The following CEP128 variants were observed in gnomAD, a reference collection of about 807,000 sequenced individuals.
CEP128 encodes the protein centrosomal protein 128.
Under a neutral mutation model 156.7 loss-of-function variants are expected in CEP128, and 132 were observed. That is an observed-to-expected ratio of 0.84 (90% confidence interval 0.73 to 0.97). The LOEUF is 0.97. Among genes scored for constraint, CEP128 ranks in the 50% least tolerant of loss-of-function variants. The pLI, the probability that CEP128 is intolerant of heterozygous loss-of-function variation, is 0.00. For synonymous variants in CEP128, 469 were observed against 448.9 expected (o/e 1.04, Z -0.57); for missense variants, 1,252 against 1,281.9 (o/e 0.98, Z 0.36).
chr14:80,916,889 C>A (rs1172309628), intron 2 of CEP128, among the ~76,000 whole-genome samples: 1 of 152,138 alleles, frequency 6.6e-6, no homozygotes, highest in Non-Finnish European at 1.5e-5. Context: ...CTTAATCCTA[C>A]CAACAACACC....
chr14:80,697,557 T>C (rs968298433), intron 19 of CEP128, among the ~76,000 whole-genome samples: 3 of 152,220 alleles, frequency 2.0e-5, no homozygotes, highest in Non-Finnish European at 2.9e-5. Context: ...TAAGAAGGCA[T>C]AGCAATTTCT....
At chr14:80,854,088 T>C (rs188615791) in intron 9 of CEP128, among the ~76,000 whole-genome samples, 1 of 152,276 alleles carries the variant, frequency 6.6e-6, no homozygotes, top group Admixed American at 6.5e-5. Context: ...CCAAGAGGTG[T>C]GTGAATAGAT....
intron 8 of CEP128, among the ~76,000 whole-genome samples, chr14:80,885,970 C>T (rs1888777411): frequency 6.6e-6 from 1 of 151,976 alleles, no homozygotes; most frequent in South Asian, 2.1e-4. Flanking sequence ...AGCATGAGAA[C>T]TTCGCGAAGC....
intron 23 of CEP128, among the ~76,000 whole-genome samples, chr14:80,512,339 T>A (rs1330563228): frequency 6.6e-6 from 1 of 152,026 alleles, no homozygotes; most frequent in Non-Finnish European, 1.5e-5. Context: ...TTGTCTATGA[T>A]AACCTTGTCT....
intron 16 of CEP128, among the ~76,000 whole-genome samples, chr14:80,766,916 G>A (rs1256944655): frequency 1.3e-5 from 2 of 152,102 alleles, no homozygotes; most frequent in East Asian, 3.8e-4. Context: ...TGGAAATACA[G>A]CTTGTTGAAC....
downstream of CEP128, among the ~76,000 whole-genome samples, chr14:80,488,696 G>A (rs1036912425): frequency 1.3e-5 from 2 of 152,134 alleles, no homozygotes; most frequent in Non-Finnish European, 2.9e-5. Context: ...TATGTTTATT[G>A]CGGCACTATT....
chr14:80,505,054 A>G, intron 23 of CEP128, 34 bp from the exon 24 acceptor site: 1 of 1,150,504 alleles, frequency 8.7e-7, no homozygotes, highest in Non-Finnish European at 1.3e-6. Flanking sequence ...TTCAATGATT[A>G]CACAAGGTAT....
At chr14:80,576,659 G>A (rs1385003623) in intron 20 of CEP128, among the ~76,000 whole-genome samples, 1 of 151,648 alleles carries the variant, frequency 6.6e-6, no homozygotes, top group East Asian at 1.9e-4. Flanking sequence ...GTGTGTCTGT[G>A]TCTGTGTCTG....
At chr14:80,481,828 T>G (rs1042958568) in intron 14 of CEP128, among the ~76,000 whole-genome samples, 1 of 152,252 alleles carries the variant, frequency 6.6e-6, no homozygotes, top group Non-Finnish European at 1.5e-5. Context: ...TAGTTCACCT[T>G]AAATAGCCCA....
chr14:80,580,584 C>T (rs1361105084), intron 19 of CEP128, among the ~76,000 whole-genome samples, 161 bp from the exon 20 acceptor site: 1 of 152,090 alleles, frequency 6.6e-6, no homozygotes, highest in Non-Finnish European at 1.5e-5. Context: ...CGCTCTGATC[C>T]CAACTGAGGA....
intron 23 of CEP128, among the ~76,000 whole-genome samples, chr14:80,511,105 G>T (rs1199901136): frequency 3.3e-5 from 5 of 149,824 alleles, no homozygotes; most frequent in African/African-American, 1.2e-4. Context: ...TTTGGTATCA[G>T]GGTAATACTG....
intron 19 of CEP128, among the ~76,000 whole-genome samples, chr14:80,625,391 A>C (rs754134963): frequency 6.6e-6 from 1 of 151,978 alleles, no homozygotes; most frequent in Non-Finnish European, 1.5e-5. Flanking sequence ...TTATGCCTCG[A>C]GCTTTGTTCT....
At chr14:80,597,971 C>A (rs67761710) in intron 19 of CEP128, among the ~76,000 whole-genome samples, 30,595 of 103,416 alleles carry the variant, frequency 0.3, 3,322 homozygotes, top group East Asian at 0.38. Context: ...AAAAAAAAAA[C>A]AAAACCCTAT....
At chr14:80,929,257 T>C (rs186613429) in intron 2 of CEP128, among the ~76,000 whole-genome samples, 1 of 152,350 alleles carries the variant, frequency 6.6e-6, no homozygotes, top group African/African-American at 2.4e-5. Context: ...AGAATGCTTA[T>C]ACACTACTGA....
chr14:80,656,303 A>T (rs1371742112), intron 19 of CEP128, among the ~76,000 whole-genome samples: 3,485 of 17,168 alleles, frequency 0.2, 373 homozygotes, highest in Non-Finnish European at 0.22. Flanking sequence ...ATATATATAT[A>T]TATATATATA....
intron 9 of CEP128, among the ~76,000 whole-genome samples, chr14:80,858,245 A>G (rs1301911740): frequency 7.2e-6 from 1 of 138,614 alleles, no homozygotes; most frequent in Non-Finnish European, 1.5e-5. Flanking sequence ...AACGCCACAT[A>G]TCTACAACTA....
At position 80,836,224 on chromosome 14, in the gene CEP128, C is replaced by T; in HGVS notation, c.1038G>A (p.Glu346=). 1 of 1,613,972 alleles carries T rather than the reference C, an allele frequency of 6.2e-7. No homozygotes were observed. The highest frequency in any genetic ancestry group is 8.5e-7 in the Non-Finnish European group (1 of 1,179,866). The change falls in exon 12 of 25, where the codon GAG becomes GAA. Residue 346 remains glutamate, a synonymous_variant. Coordinates refer to ENST00000555265, the MANE Select transcript of CEP128 (RefSeq NM_152446.5). ...TTTTACCTCTCCTAAATCTCCAGTCCTCCCCTTGTTCATCCTGATAGTTTG... is the reference window on the plus strand; with the variant it reads ...TTTTACCTCTCCTAAATCTCCAGTCTTCCCCTTGTTCATCCTGATAGTTTG... The part of the protein sequence containing the change: ...QQSNYQDEQG[E]DWRFRRGVER...
chr14:80,722,277 T>C (rs554249432), intron 19 of CEP128, among the ~76,000 whole-genome samples: 106 of 152,308 alleles, frequency 7.0e-4, no homozygotes, highest in Non-Finnish European at 1.1e-3. Flanking sequence ...TGCCATGCTA[T>C]GAACAGGATC....
intron 19 of CEP128, among the ~76,000 whole-genome samples, chr14:80,601,677 C>A (rs1250408247): frequency 1.3e-5 from 2 of 151,992 alleles, no homozygotes; most frequent in Non-Finnish European, 2.9e-5. Context: ...ATATTGAATA[C>A]CATAAGCAAA....
Sources: allele counts gnomAD v4.1 joint callset (sites outside exome capture counted in the v4.1 genomes callset), GRCh38; gene constraint gnomAD v4.1.1; transcripts MANE v1.5; gene names NCBI Gene and HGNC (gene_info 2026-07-23, HGNC 2026-07-21).